The following VPS13B variants were observed in gnomAD, a reference collection of about 807,000 sequenced individuals.
VPS13B encodes the protein intermembrane lipid transfer protein VPS13B.
VPS13B carries 285 observed loss-of-function variants against 426.4 expected under a neutral mutation model. That is an observed-to-expected ratio of 0.67 (90% confidence interval 0.61 to 0.74). The LOEUF (loss-of-function observed/expected upper bound fraction) is 0.74, where lower values mean the gene tolerates loss of function less well. Ranked by LOEUF, VPS13B falls within the 30% of genes least tolerant of loss-of-function variation. The pLI, the probability that VPS13B is intolerant of heterozygous loss-of-function variation, is 0.00. For missense variants in VPS13B, 4,537 were observed against 4,782.6 expected (o/e 0.95, Z 1.51); for synonymous variants, 1,676 against 1,676.4 (o/e 1.00, Z 0.01).
At chr8:99,143,880 A>G (rs1298969352) in intron 13 of VPS13B, among the ~76,000 whole-genome samples, 1 of 152,204 alleles carries the variant, frequency 6.6e-6, no homozygotes, top group African/African-American at 2.4e-5. Flanking sequence ...AGAAATTTCT[A>G]TAACAGAAGT....
chr8:99,120,395 G>A (rs1004389034), intron 7 of VPS13B: 2 of 151,912 alleles, frequency 1.3e-5, no homozygotes, highest in African/African-American at 2.4e-5. Flanking sequence ...TAAATTTCAT[G>A]ATGCCTCTTT....
chr8:99,559,398 C>T (rs1824770742), intron 31 of VPS13B, among the ~76,000 whole-genome samples: 1 of 152,182 alleles, frequency 6.6e-6, no homozygotes, highest in African/African-American at 2.4e-5. Flanking sequence ...TGTGCAGAAG[C>T]TCTTTAGTTT....
intron 33 of VPS13B, among the ~76,000 whole-genome samples, chr8:99,629,641 G>A (rs1828757639): frequency 1.3e-5 from 2 of 152,288 alleles, no homozygotes; most frequent in African/African-American, 4.8e-5. Context: ...AGGTGAATGT[G>A]AAGTTCCAGA....
intron 25 of VPS13B, among the ~76,000 whole-genome samples, chr8:99,485,200 G>A (rs955537694): frequency 6.6e-6 from 1 of 152,084 alleles, no homozygotes; most frequent in Non-Finnish European, 1.5e-5. Context: ...CTTAGCCCTA[G>A]GCAGAAGATT....
At chr8:99,742,132 A>T (rs901538541) in intron 39 of VPS13B, among the ~76,000 whole-genome samples, 3 of 152,242 alleles carry the variant, frequency 2.0e-5, no homozygotes, top group Admixed American at 6.5e-5. Context: ...ATGAAAAATG[A>T]TGAAGGGGAC....
Position 99,861,749 on chromosome 8 carries a change from GC to G in VPS13B, c.11045-26del, listed in dbSNP as rs535004778. On this transcript the variant is annotated intron_variant, in intron 57 of 61. Coordinates refer to ENST00000357162, the MANE Select transcript of VPS13B (RefSeq NM_152564.5). ...GGTCCATCATGTATGCGACAAGGAG[GC>G]TAACCCCATGCTCTTGTTCCCTCAG... 7.5e-4 allele frequency: 1,186 copies of G among 1,579,006 alleles called. 1 individual carries two copies. Among genetic ancestry groups the G allele is most frequent in the Middle Eastern group, 4.0e-3 (24 of 6,020 alleles).
chr8:99,650,863 C>A (rs1829787166), intron 34 of VPS13B, among the ~76,000 whole-genome samples: 1 of 152,144 alleles, frequency 6.6e-6, no homozygotes. Flanking sequence ...CAAAAGTATT[C>A]CAAACAAAAT....
chr8:99,775,070 A>T (rs976226793), intron 40 of VPS13B, among the ~76,000 whole-genome samples: 4 of 152,208 alleles, frequency 2.6e-5, no homozygotes, highest in Non-Finnish European at 5.9e-5. Flanking sequence ...CCAATGGAAG[A>T]TTCACACCTC....
intron 19 of VPS13B, among the ~76,000 whole-genome samples, chr8:99,357,268 T>C (rs978008189): frequency 5.3e-5 from 8 of 152,246 alleles, no homozygotes; most frequent in African/African-American, 1.9e-4. Flanking sequence ...CCCAGCCTGC[T>C]GTATCTGAAG....
At chr8:99,511,073 T>A in intron 28 of VPS13B, 31 bp from the exon 29 acceptor site, 1 of 1,608,542 alleles carries the variant, frequency 6.2e-7, no homozygotes, top group African/African-American at 1.3e-5. Context: ...TTTAATGAAC[T>A]GTGTATTGTG....
intron 19 of VPS13B, among the ~76,000 whole-genome samples, chr8:99,339,513 C>T (rs192004736): frequency 6.6e-6 from 1 of 152,146 alleles, no homozygotes; most frequent in Admixed American, 6.5e-5. Flanking sequence ...AAATCCATCC[C>T]ATGATCCAGT....
intron 30 of VPS13B, among the ~76,000 whole-genome samples, chr8:99,545,135 A>G (rs1823901676): frequency 6.6e-6 from 1 of 152,168 alleles, no homozygotes; most frequent in African/African-American, 2.4e-5. Context: ...AAGACTCATC[A>G]CTTGGACAAA....
chr8:99,301,713 T>TA (rs1202781168), intron 19 of VPS13B, among the ~76,000 whole-genome samples: 2 of 152,234 alleles, frequency 1.3e-5, no homozygotes, highest in Non-Finnish European at 2.9e-5. Context: ...AGGCAGAACT[T>TA]AGAGTCCTTG....
At chr8:99,397,867 A>G (rs905487247) in intron 21 of VPS13B, among the ~76,000 whole-genome samples, 6 of 152,300 alleles carry the variant, frequency 3.9e-5, no homozygotes, top group Non-Finnish European at 7.4e-5. Context: ...AGCTAGTTAC[A>G]TGGTCCTGTC....
At chr8:99,564,704 A>C (rs1410767218) in intron 31 of VPS13B, among the ~76,000 whole-genome samples, 2 of 152,232 alleles carry the variant, frequency 1.3e-5, no homozygotes, top group African/African-American at 4.8e-5. Context: ...CTCTTTTGCA[A>C]AACTCTAAAC....
intron 33 of VPS13B, among the ~76,000 whole-genome samples, chr8:99,620,138 T>G (rs1386349250): frequency 1.3e-5 from 2 of 152,048 alleles, no homozygotes; most frequent in Non-Finnish European, 2.9e-5. Context: ...TTCTTTCAAG[T>G]TTTTCTGTGT....
intron 14 of VPS13B, among the ~76,000 whole-genome samples, chr8:99,153,805 G>A (rs558561980): frequency 1.3e-3 from 196 of 150,794 alleles, no homozygotes; most frequent in Non-Finnish European, 1.8e-3. Context: ...ATGTAGATGT[G>A]AAATTCTGAC....
At position 99,398,172 on chromosome 8, in the gene VPS13B, A is replaced by G. The variant is rs140023263; in HGVS notation, c.3082+6468A>G. Among the ~76,000 whole-genome samples the G allele has an allele frequency of 6.1e-3, 925 of 152,340 alleles. 13 individuals carry two copies. Among genetic ancestry groups the G allele is most frequent in the African/African-American group, 0.021 (880 of 41,574 alleles). On this transcript the variant is annotated intron_variant, in intron 21 of 61. Transcript: ENST00000357162. ...AGATATAGACTTGGGAGTCATCAACATATGGATCATAGTGGAAGCCACAGA... is the reference window on the plus strand; with the variant it reads ...AGATATAGACTTGGGAGTCATCAACGTATGGATCATAGTGGAAGCCACAGA...
chr8:99,170,873 A>G lies in VPS13B; in HGVS notation c.2333+710A>G, dbSNP rs544001454. ...ATGTGATTTAGAATATGTCTTTTGTATTCTCATTCTAATTAGTAAGCTTAT... is the reference window on the plus strand; with the variant it reads ...ATGTGATTTAGAATATGTCTTTTGTGTTCTCATTCTAATTAGTAAGCTTAT... On this transcript the variant is annotated intron_variant, in intron 16 of 61. Transcript: ENST00000357162. Among the ~76,000 whole-genome samples, 4 of 151,782 alleles carry G rather than the reference A, an allele frequency of 2.6e-5. No homozygotes were observed. In the South Asian group the frequency reaches 8.3e-4, roughly 31 times the overall value.
Sources: allele counts gnomAD v4.1 joint callset (sites outside exome capture counted in the v4.1 genomes callset), GRCh38; gene constraint gnomAD v4.1.1; transcripts MANE v1.5; gene names NCBI Gene and HGNC (gene_info 2026-07-23, HGNC 2026-07-21).